EIF4G3: variants seen among roughly 807,000 people sequenced by gnomAD.
The protein encoded by EIF4G3 is eukaryotic translation initiation factor 4 gamma 3.
EIF4G3 carries 34 observed loss-of-function variants against 186.4 expected under a neutral mutation model. That is an observed-to-expected ratio of 0.18 (90% confidence interval 0.14 to 0.24). The LOEUF (loss-of-function observed/expected upper bound fraction) is 0.24, where lower values mean the gene tolerates loss of function less well. EIF4G3 is among the 10% of genes least tolerant of loss of function. The probability of loss-of-function intolerance (pLI) is 1.00; values close to 1 mark genes in which losing one functional copy is unlikely to be tolerated. For synonymous variants in EIF4G3, 673 were observed against 679.5 expected (o/e 0.99, Z 0.15); for missense variants, 1,536 against 1,948.5 (o/e 0.79, Z 3.99).
chr1:21,137,102 T>C (rs533404935), intron 2 of EIF4G3, among the ~76,000 whole-genome samples: 33 of 152,000 alleles, frequency 2.2e-4, no homozygotes, highest in African/African-American at 7.2e-4. Flanking sequence ...TAAAATTACA[T>C]GGGTGGCTCA....
rs954573350 is a variant in EIF4G3 at position 20,869,306 on chromosome 1, ATTTTTT to A, written c.2623-4050_2623-4045del. Among the ~76,000 whole-genome samples the A allele has an allele frequency of 2.4e-3, 235 of 97,406 alleles. 1 individual carries two copies. The highest frequency in any genetic ancestry group is 3.3e-3 in the Admixed American group (30 of 9,078). 63.9% of individuals were successfully genotyped at this position (97,406 alleles called of 152,430 possible). A position where few individuals can be genotyped will look rare whatever the true frequency, so the allele number is the denominator to read the frequency against. On this transcript the variant is annotated intron_variant, in intron 20 of 36. Coordinates refer to ENST00000602326, the MANE Select transcript of EIF4G3 (RefSeq NM_001391906.1). The stretch of plus-strand genomic sequence containing the variant: ...TTTCTAGAGGATAGTTTACTTTAAA[ATTTTTT>A]TTTTTTTTTTTTTTTTTTGGAGACA...
intron 12 of EIF4G3, among the ~76,000 whole-genome samples, chr1:20,961,023 A>G (rs2096557210): frequency 6.6e-6 from 1 of 152,144 alleles, no homozygotes; most frequent in Non-Finnish European, 1.5e-5. Context: ...TAAACAAGAT[A>G]CTGTTTTTTA....
intron 4 of EIF4G3, among the ~76,000 whole-genome samples, chr1:21,018,339 T>C (rs1189210471): frequency 1.3e-5 from 2 of 152,048 alleles, no homozygotes; most frequent in African/African-American, 4.8e-5. Flanking sequence ...CCTAGCCCTT[T>C]GGGAGGCCGA....
chr1:21,018,363 C>T (rs1034576564), intron 4 of EIF4G3, among the ~76,000 whole-genome samples: 19 of 152,008 alleles, frequency 1.2e-4, no homozygotes, highest in African/African-American at 4.6e-4. Context: ...GGGCGGATCA[C>T]AAGGTCAGTA....
At chr1:21,076,837 G>A (rs979977127) in intron 3 of EIF4G3, among the ~76,000 whole-genome samples, 3 of 152,072 alleles carry the variant, frequency 2.0e-5, no homozygotes, top group East Asian at 3.9e-4. Context: ...ACCATGAAAC[G>A]AATACAAGAA....
At chr1:20,969,408 G>C in intron 12 of EIF4G3, 66 bp downstream of exon 12, 1 of 1,572,274 alleles carries the variant, frequency 6.4e-7, no homozygotes, top group Non-Finnish European at 8.7e-7. Flanking sequence ...GGCTATAGAA[G>C]AAAGAAGAGT....
intron 5 of EIF4G3, among the ~76,000 whole-genome samples, chr1:21,002,338 G>GA (rs1252126855): frequency 6.6e-6 from 1 of 152,138 alleles, no homozygotes; most frequent in African/African-American, 2.4e-5. Flanking sequence ...TTTAATTAGT[G>GA]AAATTCAATT....
intron 15 of EIF4G3, among the ~76,000 whole-genome samples, chr1:20,904,307 G>C (rs2091399603): frequency 6.6e-6 from 1 of 152,120 alleles, no homozygotes; most frequent in South Asian, 2.1e-4. Flanking sequence ...ACAAACAAAA[G>C]TTCTAGTTGG....
chr1:21,104,186 A>G (rs2096574955), intron 2 of EIF4G3, among the ~76,000 whole-genome samples: 1 of 152,206 alleles, frequency 6.6e-6, no homozygotes, highest in Admixed American at 6.5e-5. Flanking sequence ...TGATATGATC[A>G]TGAGCAGGAA....
chr1:21,151,835 G>T (rs1480818212), intron 2 of EIF4G3, among the ~76,000 whole-genome samples: 1 of 151,872 alleles, frequency 6.6e-6, no homozygotes, highest in African/African-American at 2.4e-5. Flanking sequence ...ACATTACCTA[G>T]GGCCACAAGA....
At chr1:21,133,100 G>C (rs762521446) in intron 2 of EIF4G3, among the ~76,000 whole-genome samples, 8 of 151,870 alleles carry the variant, frequency 5.3e-5, no homozygotes, top group Admixed American at 2.6e-4. Flanking sequence ...TTTTCATTAT[G>C]AACATTTACT....
In EIF4G3 at chr1:21,134,702, T is replaced by C. The variant is rs149190517; in HGVS notation, c.-272+41473A>G. Among the ~76,000 whole-genome samples the C allele has an allele frequency of 1.3e-3, 193 of 152,162 alleles. 1 individual carries two copies. Among genetic ancestry groups the C allele is most frequent in the Admixed American group, 3.3e-3 (51 of 15,262 alleles). On this transcript the variant is annotated intron_variant, in intron 2 of 36. Transcript: ENST00000602326. ...CAAAAATAAAAATAACAGAAATACATTGGGCTAATGAATCCCAAATTCAGG... is the reference window on the plus strand; with the variant it reads ...CAAAAATAAAAATAACAGAAATACACTGGGCTAATGAATCCCAAATTCAGG...
intron 19 of EIF4G3, among the ~76,000 whole-genome samples, chr1:20,881,422 G>A (rs767687889): frequency 4.6e-5 from 7 of 152,268 alleles, no homozygotes; most frequent in East Asian, 3.9e-4. Context: ...TTGGGTTTAC[G>A]CAAGTATTTC....
chr1:21,045,558 C>T (rs1205522945), intron 4 of EIF4G3, among the ~76,000 whole-genome samples: 3 of 152,152 alleles, frequency 2.0e-5, no homozygotes, highest in Non-Finnish European at 4.4e-5. Flanking sequence ...TGTCTTCTCA[C>T]TTAATTACTG....
intron 2 of EIF4G3, among the ~76,000 whole-genome samples, chr1:21,132,612 T>A (rs936334071): frequency 6.6e-6 from 1 of 151,966 alleles, no homozygotes; most frequent in East Asian, 1.9e-4. Context: ...GCATATTTTT[T>A]ATTTTTTTGT....
At chr1:21,077,597 C>T (rs1259670966) in intron 3 of EIF4G3, among the ~76,000 whole-genome samples, 9 of 145,770 alleles carry the variant, frequency 6.2e-5, no homozygotes, top group Admixed American at 3.4e-4. Context: ...AAAAAAAAAA[C>T]GGGCCGGGCG....
chr1:20,983,574 T>C (rs549207745), intron 7 of EIF4G3, among the ~76,000 whole-genome samples: 1 of 152,202 alleles, frequency 6.6e-6, no homozygotes, highest in Non-Finnish European at 1.5e-5. Flanking sequence ...TATAATGTAG[T>C]TAATATCAGG....
At chr1:20,904,839 A>G in intron 15 of EIF4G3, 44 bp downstream of exon 15, 1 of 1,479,876 alleles carries the variant, frequency 6.8e-7, no homozygotes, top group Admixed American at 1.7e-5. Context: ...CTGTCTATGA[A>G]ATGGCACCAC....
intron 2 of EIF4G3, among the ~76,000 whole-genome samples, chr1:21,149,746 G>C (rs997269201): frequency 1.3e-5 from 2 of 152,154 alleles, no homozygotes; most frequent in African/African-American, 2.4e-5. Flanking sequence ...CTGCACGAAA[G>C]GGAAGACCTT....
Sources: gnomAD v4.1 joint callset for allele counts (sites outside exome capture counted in the v4.1 genomes callset) on GRCh38, gnomAD v4.1.1 for gene constraint, MANE v1.5 for transcripts, NCBI Gene and HGNC (gene_info 2026-07-23, HGNC 2026-07-21) for gene names.